SETDB2: variants seen among roughly 807,000 people sequenced by gnomAD.
SETDB2 encodes the protein SET domain bifurcated histone lysine methyltransferase 2, also known as histone-lysine N-methyltransferase SETDB2.
Under a neutral mutation model 82.5 loss-of-function variants are expected in SETDB2, and 56 were observed. That is an observed-to-expected ratio of 0.68 (90% CI 0.55 to 0.85). The LOEUF is 0.85. Ranked by LOEUF, SETDB2 falls within the 40% of genes least tolerant of loss-of-function variation. The probability of loss-of-function intolerance (pLI) is 0.00; values close to 1 mark genes in which losing one functional copy is unlikely to be tolerated. For synonymous variants in SETDB2, 272 were observed against 284.9 expected, an observed-to-expected ratio of 0.95 and a Z score of 0.46; for missense variants, 677 against 816.4, an observed-to-expected ratio of 0.83 and a Z score of 2.08.
At chr13:49,459,885 A>G (rs1044114705) in intron 2 of SETDB2, 8 of 382,100 alleles carry the variant, frequency 2.1e-5, no homozygotes, top group African/African-American at 1.7e-4. Context: ...AATTTTCAAT[A>G]TATATTTTAA....
At chr13:49,473,699 G>A (rs1020995520) in intron 5 of SETDB2, among the ~76,000 whole-genome samples, 2 of 152,112 alleles carry the variant, frequency 1.3e-5, no homozygotes, top group Non-Finnish European at 2.9e-5. Flanking sequence ...CTATAAATCT[G>A]TAAGTGTATA....
chr13:49,485,201 A>G (rs1036139186), intron 10 of SETDB2, among the ~76,000 whole-genome samples: 4 of 152,220 alleles, frequency 2.6e-5, no homozygotes, highest in African/African-American at 9.6e-5. Context: ...AGTGTCTACA[A>G]TGTGTAAGCA....
intron 2 of SETDB2, among the ~76,000 whole-genome samples, chr13:49,453,933 C>A (rs1594131049): frequency 1.3e-5 from 2 of 151,856 alleles, no homozygotes; most frequent in South Asian, 4.1e-4. Context: ...CTATATGTAA[C>A]TGTTTGTATC....
chr13:49,493,011 T>C lies in SETDB2; in HGVS notation c.*1162T>C, dbSNP rs1958742279. On this transcript the variant is annotated 3_prime_UTR_variant, in exon 14 of 14. Coordinates refer to ENST00000611815, the MANE Select transcript of SETDB2 (RefSeq NM_001160308.3). The stretch of plus-strand genomic sequence containing the variant: ...GAAAACAATTCTGAACTATGAAATC[T>C]GAAACAGCCCCTTGGTATCTCCTGG... 1 of 151,600 alleles carries C rather than the reference T, an allele frequency of 6.6e-6. No homozygotes were observed. The highest frequency in any genetic ancestry group is 2.4e-5 in the African/African-American group (1 of 41,250). The allele number at this position is 151,600 out of a possible 1,614,324, so 9.4% of individuals were successfully genotyped here.
chr13:49,483,032 T>TC, intron 9 of SETDB2, 70 bp downstream of exon 9: 2 of 956,014 alleles, frequency 2.1e-6, no homozygotes, highest in Non-Finnish European at 3.2e-6. Context: ...TTTCATTCCT[T>TC]CCCCTCTTTC....
At chr13:49,470,106 A>G (rs923863572) in intron 5 of SETDB2, among the ~76,000 whole-genome samples, 7 of 152,116 alleles carry the variant, frequency 4.6e-5, no homozygotes, top group Non-Finnish European at 1.0e-4. Flanking sequence ...TTGTATGTAT[A>G]CTTTTAAAAA....
chr13:49,451,294 T>G (rs1460741911), intron 1 of SETDB2, among the ~76,000 whole-genome samples: 1 of 151,016 alleles, frequency 6.6e-6, no homozygotes, highest in Non-Finnish European at 1.5e-5. Context: ...ACTTATAAAA[T>G]GGAGATAGTA....
chr13:49,465,309 C>T (rs1259833982), intron 4 of SETDB2, among the ~76,000 whole-genome samples: 4 of 152,164 alleles, frequency 2.6e-5, no homozygotes, highest in East Asian at 1.9e-4. Flanking sequence ...AATTATTTCC[C>T]TTTCCTCTTT....
At chr13:49,445,211 G>A (rs1028046452) in intron 1 of SETDB2, among the ~76,000 whole-genome samples, 2 of 152,156 alleles carry the variant, frequency 1.3e-5, no homozygotes, top group Admixed American at 6.5e-5. Context: ...TAACCCACAT[G>A]ACTGTTAGGG....
At position 49,482,752 on chromosome 13, in the gene SETDB2, G is replaced by A. The variant is rs1958505065; in HGVS notation, c.1172G>A (p.Arg391Lys). Residue 391 changes from arginine (R) to lysine (K), a missense_variant, in exon 9 of 14, where the codon AGA (arginine) becomes AAA (lysine). Physicochemically the swap from Arg to Lys is conservative, Grantham distance 26. Around this residue, in one of 3 missense-constraint regions of SETDB2, gnomAD observed 420 missense variants for 554.6 expected, o/e 0.76. Coordinates refer to ENST00000611815, the MANE Select transcript of SETDB2 (RefSeq NM_001160308.3). Reference sequence around the variant, plus strand: ...TTCCTTTTAGGAAGATTACTAAGCAGAGCTAACACTGAAAAATCTTATGGT... The same window carrying A: ...TTCCTTTTAGGAAGATTACTAAGCAAAGCTAACACTGAAAAATCTTATGGT... ...VCIYSGRLLS[R>K]ANTEKSYGID... 1 of 1,609,340 alleles carries A rather than the reference G, an allele frequency of 6.2e-7. No homozygotes were observed. Among genetic ancestry groups the A allele is most frequent in the Non-Finnish European group, 8.5e-7 (1 of 1,176,486 alleles).
At chr13:49,480,456 C>G in intron 7 of SETDB2, 121 bp downstream of exon 7, 1 of 625,220 alleles carries the variant, frequency 1.6e-6, no homozygotes, top group Non-Finnish European at 2.8e-6. Context: ...TACCAAAAAT[C>G]TAAATTATTA....
At position 49,492,900 on chromosome 13, in the gene SETDB2, T is replaced by TG. The variant is rs1347605527; in HGVS notation, c.*1052dup. 1 of 152,058 alleles carries TG rather than the reference T, an allele frequency of 6.6e-6. No homozygotes were observed. Among genetic ancestry groups the TG allele is most frequent in the East Asian group, 1.9e-4 (1 of 5,192 alleles). The allele number at this position is 152,058 out of a possible 1,614,324, so 9.4% of individuals were successfully genotyped here. ...TGAGCTCAGAAGGTCAAGGCTGCAA[T>TG]GAGACATAATTTCACCATAGTACTT... is the stretch of plus-strand genomic sequence containing the variant. On this transcript the variant is annotated 3_prime_UTR_variant, in exon 14 of 14. Coordinates refer to ENST00000611815, the MANE Select transcript of SETDB2 (RefSeq NM_001160308.3).
chr13:49,469,635 C>T (rs1260568742), intron 5 of SETDB2, among the ~76,000 whole-genome samples: 1 of 152,126 alleles, frequency 6.6e-6, no homozygotes, highest in Non-Finnish European at 1.5e-5. Context: ...AAAATCAGGG[C>T]AGCTAGAACT....
intron 13 of SETDB2, among the ~76,000 whole-genome samples, chr13:49,491,320 T>A (rs538575544): frequency 6.6e-6 from 1 of 152,334 alleles, no homozygotes; most frequent in East Asian, 1.9e-4. Flanking sequence ...ACACCTGAAA[T>A]TTTGACTCTT....
At chr13:49,489,099 A>G (rs1442080586) in intron 12 of SETDB2, 2 of 153,138 alleles carry the variant, frequency 1.3e-5, no homozygotes, top group Non-Finnish European at 2.9e-5. Flanking sequence ...TTGCCACAAT[A>G]TACTGGTTTT....
intron 4 of SETDB2, among the ~76,000 whole-genome samples, chr13:49,463,599 A>C (rs574586639): frequency 6.6e-6 from 1 of 152,340 alleles, no homozygotes; most frequent in East Asian, 1.9e-4. Context: ...CACGTTTGCT[A>C]TGCAGCCCAG....
At chr13:49,458,757 C>G (rs1379835399) in intron 2 of SETDB2, among the ~76,000 whole-genome samples, 1 of 152,242 alleles carries the variant, frequency 6.6e-6, no homozygotes, top group African/African-American at 2.4e-5. Flanking sequence ...ACCTGTCCCT[C>G]TACCTTTATT....
intron 5 of SETDB2, among the ~76,000 whole-genome samples, chr13:49,475,498 T>C (rs1451772704): frequency 6.6e-6 from 1 of 152,078 alleles, no homozygotes; most frequent in African/African-American, 2.4e-5. Flanking sequence ...CGGATTTTTT[T>C]TTTTTTAAGA....
At chr13:49,488,129 C>T in intron 11 of SETDB2, 161 bp from the exon 12 acceptor site, 1 of 728,930 alleles carries the variant, frequency 1.4e-6, no homozygotes. Context: ...TCCTTAATCC[C>T]TCAGAGAAAG....
Sources: gnomAD v4.1 joint callset for allele counts (sites outside exome capture counted in the v4.1 genomes callset) on GRCh38, gnomAD v4.1.1 for gene constraint, gnomAD v4.1.1 regional missense constraint, MANE v1.5 for transcripts, NCBI Gene and HGNC (gene_info 2026-07-23, HGNC 2026-07-21) for gene names.